The following UNC13B variants were observed in gnomAD, a reference collection of about 807,000 sequenced individuals.
UNC13B encodes protein unc-13 homolog B.
A neutral mutation model predicts 211.0 loss-of-function variants in UNC13B; 144 were observed. The ratio of observed to expected loss-of-function variants is 0.68; its 90% CI spans 0.60 to 0.78. UNC13B has a LOEUF of 0.78. Among genes scored for constraint, UNC13B ranks in the 30% least tolerant of loss-of-function variants. UNC13B has a pLI of 0.00. For synonymous variants in UNC13B, 709 were observed against 725.8 expected, an observed-to-expected ratio of 0.98 and a Z score of 0.37; for missense variants, 1,777 against 2,002.0, an observed-to-expected ratio of 0.89 and a Z score of 2.14.
chr9:35,277,291 A>G (rs1253879163), intron 7 of UNC13B, among the ~76,000 whole-genome samples: 2 of 152,218 alleles, frequency 1.3e-5, no homozygotes, highest in Non-Finnish European at 2.9e-5. Flanking sequence ...TACTTTCTCC[A>G]GAGCTTGTAG....
At chr9:35,402,345 G>T (rs139292228) in intron 37 of UNC13B, among the ~76,000 whole-genome samples, 2 of 150,388 alleles carry the variant, frequency 1.3e-5, no homozygotes, top group African/African-American at 4.9e-5. Flanking sequence ...CCAGTGGAGC[G>T]ATCTCTGCCC....
intron 11 of UNC13B, among the ~76,000 whole-genome samples, chr9:35,348,156 C>G (rs1391237460): frequency 1.3e-5 from 2 of 152,146 alleles, no homozygotes; most frequent in Non-Finnish European, 2.9e-5. Context: ...CAGATAGGCC[C>G]CAGGTTAGCC....
intron 1 of UNC13B, among the ~76,000 whole-genome samples, chr9:35,205,274 G>T (rs117814993): frequency 0.028 from 4,201 of 151,998 alleles, 112 homozygotes; most frequent in South Asian, 0.13. Context: ...AAATCACCAC[G>T]TTTCAGGTAT....
chr9:35,219,626 A>G lies in UNC13B; in HGVS notation c.23-8389A>G, dbSNP rs567449060. 1.1e-4 allele frequency among the ~76,000 whole-genome samples: 17 copies of G among 151,976 alleles called. No homozygotes were observed. In the South Asian group the frequency reaches 1.5e-3, roughly 13 times the overall value. On this transcript the variant is annotated intron_variant, in intron 1 of 39. Coordinates refer to ENST00000635942, the MANE Select transcript of UNC13B (RefSeq NM_001371189.2). The stretch of plus-strand genomic sequence containing the variant: ...AGCAAGACCCTGTGTCCAAAAAAAA[A>G]AAAAAAAAAGTAAAGACATTGTTTT...
chr9:35,252,383 C>T (rs937286012), intron 6 of UNC13B, among the ~76,000 whole-genome samples: 4 of 151,904 alleles, frequency 2.6e-5, no homozygotes, highest in East Asian at 1.9e-4. Context: ...CCCAGGCTGG[C>T]GTGCAGTGGT....
intron 11 of UNC13B, among the ~76,000 whole-genome samples, chr9:35,328,355 T>C (rs1482356692): frequency 1.3e-5 from 2 of 151,978 alleles, no homozygotes; most frequent in Non-Finnish European, 2.9e-5. Flanking sequence ...GCAAAGTCCC[T>C]CCACCTCTCC....
rs893265106 is a variant in UNC13B at position 35,352,237 on chromosome 9, G to C, written c.9415-14710G>C. The stretch of plus-strand genomic sequence containing the variant: ...AAGATGGAGAAAATACTATGGAACT[G>C]GTGGAAAGCTTTCTAGCCAAGCACC... On this transcript the variant is annotated intron_variant, in intron 11 of 39. Coordinates refer to ENST00000635942, the MANE Select transcript of UNC13B (RefSeq NM_001371189.2). 16 of 1,232,030 alleles carry C rather than the reference G, an allele frequency of 1.3e-5. No homozygotes were observed. In the Admixed American group the frequency reaches 6.3e-4, roughly 49 times the overall value. The allele number at this position is 1,232,030 out of a possible 1,614,324, so 76.3% of individuals were successfully genotyped here. A position where few individuals can be genotyped will look rare whatever the true frequency, so the allele number is the denominator to read the frequency against.
intron 21 of UNC13B, 101 bp from the exon 22 acceptor site, chr9:35,384,145 C>T (rs936301738): frequency 4.5e-5 from 69 of 1,549,632 alleles, no homozygotes; most frequent in Middle Eastern, 1.7e-4. Context: ...TGCCTCCCGA[C>T]TCTTTCTACT....
chr9:35,182,810 A>T (rs1333834469), intron 1 of UNC13B, among the ~76,000 whole-genome samples: 2 of 152,338 alleles, frequency 1.3e-5, no homozygotes, highest in Admixed American at 6.5e-5. Context: ...GATTAACAGC[A>T]TCCCAAGGCA....
chr9:35,398,660 A>G lies in UNC13B; in HGVS notation c.11921+18A>G, dbSNP rs771383071. 1 of 1,613,442 alleles carries G rather than the reference A, an allele frequency of 6.2e-7. No individual in the cohort carries two copies. The highest frequency in any genetic ancestry group is 1.1e-5 in the South Asian group (1 of 91,044). ...GGAAACAGGTCAGTGACCCCACAAT[A>G]CAAGGCCCTCAGAGCCAGATGTGGT... On this transcript the variant is annotated intron_variant, in intron 32 of 39. Transcript: ENST00000635942.
At chr9:35,187,491 A>G (rs944042419) in intron 1 of UNC13B, among the ~76,000 whole-genome samples, 1 of 152,244 alleles carries the variant, frequency 6.6e-6, no homozygotes. Flanking sequence ...TAAGCTTTGG[A>G]GCATAATTTT....
chr9:35,367,292 C>A (rs1315880398), intron 12 of UNC13B, among the ~76,000 whole-genome samples: 2 of 152,158 alleles, frequency 1.3e-5, no homozygotes, highest in Non-Finnish European at 2.9e-5. Context: ...GTGAAATACT[C>A]TTTAAGTAGA....
chr9:35,226,878 C>T (rs1274874348), intron 1 of UNC13B, among the ~76,000 whole-genome samples: 1 of 152,218 alleles, frequency 6.6e-6, no homozygotes, highest in East Asian at 1.9e-4. Flanking sequence ...GCATCCTTCA[C>T]ATGCAATCAA....
chr9:35,162,197 C>T lies in UNC13B; in HGVS notation c.-87C>T. 1 of 1,530,566 alleles carries T rather than the reference C, an allele frequency of 6.5e-7. No homozygotes were observed. The highest frequency in any genetic ancestry group is 1.4e-5 in the African/African-American group (1 of 72,880). The allele number at this position is 1,530,566 out of a possible 1,614,324, so 94.8% of individuals were successfully genotyped here. Reference sequence around the variant, plus strand: ...GCTGCCAGACCCGTGGGGCCGGTAACGAGAGCAGTCGCGGCACCTGCTGAG... The same window carrying T: ...GCTGCCAGACCCGTGGGGCCGGTAATGAGAGCAGTCGCGGCACCTGCTGAG... On this transcript the variant is annotated 5_prime_UTR_variant, in exon 1 of 40. It adds an upstream start codon to the 5' untranslated region. Coordinates refer to ENST00000635942, the MANE Select transcript of UNC13B (RefSeq NM_001371189.2).
intron 10 of UNC13B, among the ~76,000 whole-genome samples, chr9:35,313,555 A>G (rs1007233984): frequency 1.3e-5 from 2 of 151,712 alleles, no homozygotes; most frequent in African/African-American, 4.8e-5. Context: ...AGCCCAGGAG[A>G]TTAAGGCTGC....
At chr9:35,251,610 A>G (rs1320226212) in intron 6 of UNC13B, among the ~76,000 whole-genome samples, 1 of 152,028 alleles carries the variant, frequency 6.6e-6, no homozygotes, top group Non-Finnish European at 1.5e-5. Context: ...AATCCTAGGT[A>G]TTATCTTGTC....
At chr9:35,211,971 T>A (rs1471332607) in intron 1 of UNC13B, among the ~76,000 whole-genome samples, 2 of 152,116 alleles carry the variant, frequency 1.3e-5, no homozygotes, top group African/African-American at 2.4e-5. Flanking sequence ...TCTGAAAGTG[T>A]GGGGATTACA....
intron 12 of UNC13B, among the ~76,000 whole-genome samples, chr9:35,370,086 A>G (rs548222336): frequency 2.1e-4 from 32 of 152,362 alleles, no homozygotes; most frequent in South Asian, 4.1e-4. Flanking sequence ...CTCAGTTCTC[A>G]GCTGAAACTG....
At chr9:35,222,710 A>C (rs1824629811) in intron 1 of UNC13B, among the ~76,000 whole-genome samples, 1 of 152,244 alleles carries the variant, frequency 6.6e-6, no homozygotes, top group Non-Finnish European at 1.5e-5. Context: ...TTGTGTTGGG[A>C]ACATTTCAAA....
Sources: allele counts gnomAD v4.1 joint callset (sites outside exome capture counted in the v4.1 genomes callset), GRCh38; gene constraint gnomAD v4.1.1; transcripts MANE v1.5; gene names NCBI Gene and HGNC (gene_info 2026-07-23, HGNC 2026-07-21).